The following NPR1 variants were observed in gnomAD, a reference collection of about 807,000 sequenced individuals.
The protein encoded by NPR1 is natriuretic peptide receptor 1.
In NPR1, 57 loss-of-function variants were observed where a neutral mutation model predicts 116.9. That is an observed-to-expected ratio of 0.49 (90% CI 0.39 to 0.61). The LOEUF (loss-of-function observed/expected upper bound fraction) is 0.61. Among genes scored for constraint, NPR1 ranks in the 20% least tolerant of loss-of-function variants. The pLI, the probability that NPR1 is intolerant of heterozygous loss-of-function variation, is 0.00. For missense variants in NPR1, 1,096 were observed against 1,409.8 expected (o/e 0.78, Z 3.56); for synonymous variants, 555 against 601.6 (o/e 0.92, Z 1.13).
At chr1:153,690,121 TC>T (rs1670060244) in intron 19 of NPR1, 141 bp downstream of exon 19, 2 of 555,808 alleles carry the variant, frequency 3.6e-6, no homozygotes, top group Non-Finnish European at 6.0e-6. Flanking sequence ...TCTCTCTCTC[TC>T]TCTCTCTCTC....
rs758807456 is a variant in NPR1, at chr1:153,689,827, T to C, written c.2779T>C (p.Tyr927His). 6.3e-7 allele frequency: 1 copy of C among 1,581,282 alleles called. No homozygotes were observed. The highest frequency in any genetic ancestry group is 1.1e-5 in the South Asian group (1 of 87,468). Residue 927 changes from tyrosine to histidine, a missense_variant, in exon 19 of 22, where the codon TAC becomes CAC. Transcript: ENST00000368680. This position sits in a 1 kb window ranked among gnomAD's most constrained non-coding sequence, Gnocchi z 5.1. ...VYKVETIGDAYMVVSGLPVRN... is the reference protein window; with the variant it reads ...VYKVETIGDAHMVVSGLPVRN... ...ACAGGTGGAGACAATTGGCGATGCCTACATGGTGGTGTCAGGGCTCCCTGT... is the reference window on the plus strand; with the variant it reads ...ACAGGTGGAGACAATTGGCGATGCCCACATGGTGGTGTCAGGGCTCCCTGT...
In NPR1 at chr1:153,686,121, A is replaced by G. The variant is rs1669921070; in HGVS notation, c.1681-2A>G. On this transcript the variant is annotated splice_acceptor_variant, in intron 9 of 21. Transcript: ENST00000368680. LOFTEE classifies it high-confidence loss of function. ...CAGTGACAGTCTCCATTCCATGCCCAGGGCAACCTCGTGGCTGTGAAACGT... is the reference window on the plus strand; with the variant it reads ...CAGTGACAGTCTCCATTCCATGCCCGGGGCAACCTCGTGGCTGTGAAACGT... 2 of 1,613,822 alleles carry G rather than the reference A, an allele frequency of 1.2e-6. No homozygotes were observed. The highest frequency in any genetic ancestry group is 2.7e-5 in the African/African-American group (2 of 74,920).
chr1:153,681,260 T>C lies in NPR1; in HGVS notation c.1002T>C (p.Tyr334=). 1 of 1,612,978 alleles carries C rather than the reference T, an allele frequency of 6.2e-7. No individual in the cohort carries two copies. The highest frequency in any genetic ancestry group is 8.5e-7 in the Non-Finnish European group (1 of 1,179,120). ...TGAAGCAGTTAAAACACCTGGCCTA[T>C]GAGCAGTTCAACTTCACCATGGAGG... ...EFLKQLKHLA[Y]EQFNFTMEDG... The change falls in exon 3 of 22, where the codon TAT becomes TAC. Residue 334 remains tyrosine, a synonymous_variant. Transcript: ENST00000368680.
At chr1:153,684,855 C>T in intron 7 of NPR1, 109 bp from the exon 8 acceptor site, 1 of 1,398,632 alleles carries the variant, frequency 7.1e-7, no homozygotes, top group South Asian at 1.3e-5. Flanking sequence ...ATTCCCCCTC[C>T]ATCTCTGAGT....
chr1:153,681,155 T>C, intron 2 of NPR1, 25 bp from the exon 3 acceptor site: 1 of 1,415,108 alleles, frequency 7.1e-7, no homozygotes, highest in Non-Finnish European at 1.0e-6. Context: ...CCCAACTCTC[T>C]GCTCTCCACT....
intron 15 of NPR1, 36 bp downstream of exon 15, chr1:153,688,257 C>T (rs2101737271): frequency 5.6e-6 from 9 of 1,595,462 alleles, no homozygotes; most frequent in Non-Finnish European, 7.7e-6. Context: ...CCAGGCCCTT[C>T]CTCCACAGCC....
intron 19 of NPR1, 27 bp downstream of exon 19, chr1:153,690,007 C>CA: frequency 6.8e-7 from 1 of 1,474,484 alleles, no homozygotes; most frequent in Non-Finnish European, 9.0e-7. Flanking sequence ...TGCAGGCGGG[C>CA]ATCCAGAGGC....
At position 153,682,428 on chromosome 1, in the gene NPR1, G is replaced by A. The variant is rs74408467; in HGVS notation, c.1172-70G>A. Reference sequence around the variant, plus strand: ...GGCAAGGCAAAAAAGATTAGAGGATGAAGAGATGAAGTGGGGCACCCCTGA... The same window carrying A: ...GGCAAGGCAAAAAAGATTAGAGGATAAAGAGATGAAGTGGGGCACCCCTGA... On this transcript the variant is annotated intron_variant, in intron 4 of 21. Transcript: ENST00000368680. 1.1e-3 allele frequency: 1,147 copies of A among 1,092,282 alleles called. 11 individuals are homozygous for A. In the African/African-American group the frequency reaches 0.016, roughly 15 times the overall value. The allele number at this position is 1,092,282 out of a possible 1,614,324, so 67.7% of individuals were successfully genotyped here. A position where few individuals can be genotyped will look rare whatever the true frequency, so the allele number is the denominator to read the frequency against.
intron 8 of NPR1, 29 bp downstream of exon 8, chr1:153,685,113 G>A (rs777460523): frequency 1.9e-6 from 3 of 1,611,338 alleles, no homozygotes; most frequent in Admixed American, 3.3e-5. Context: ...GTGTTGGGGG[G>A]CAATAAAGGA....
chr1:153,688,183 A>T lies in NPR1; in HGVS notation c.2379A>T (p.Pro793=). 1 of 1,613,768 alleles carries T rather than the reference A, an allele frequency of 6.2e-7. No homozygotes were observed. Residue 793 remains proline, a synonymous_variant, in exon 15 of 22, where the codon CCA becomes CCT. Transcript: ENST00000368680. ...CWAEDPQERP[P]FQQIRLTLRK... ...CTGAGGACCCACAGGAGAGGCCACCATTCCAGCAGATCCGCCTGACGTTGC... is the reference window on the plus strand; with the variant it reads ...CTGAGGACCCACAGGAGAGGCCACCTTTCCAGCAGATCCGCCTGACGTTGC...
chr1:153,686,968 C>A, intron 11 of NPR1, 48 bp from the exon 12 acceptor site: 1 of 1,597,750 alleles, frequency 6.3e-7, no homozygotes, highest in Non-Finnish European at 8.6e-7. Context: ...TCCTCCAACT[C>A]CCAGGGGGAT....
At position 153,685,816 on chromosome 1, in the gene NPR1, A is replaced by G. The variant is rs1175836256; in HGVS notation, c.1616A>G (p.Asn539Ser). Residue 539 changes from asparagine to serine, a missense_variant, in exon 9 of 22, where the codon AAT becomes AGT. Asn to Ser is a conservative substitution (Grantham distance 46). Transcript: ENST00000368680. ...TCTCCCTCCTTTCAGAGAGGCTCCAATTACGGCTCCCTGCTAACCACAGAG... is the reference window on the plus strand; with the variant it reads ...TCTCCCTCCTTTCAGAGAGGCTCCAGTTACGGCTCCCTGCTAACCACAGAG... ...SRLTLSGRGS[N>S]YGSLLTTEGQ... 9.3e-6 allele frequency: 15 copies of G among 1,614,144 alleles called. No homozygotes were observed. Among genetic ancestry groups the G allele is most frequent in the African/African-American group, 1.3e-5 (1 of 75,050 alleles).
chr1:153,686,898 T>C, intron 11 of NPR1, 118 bp from the exon 12 acceptor site: 3 of 1,284,396 alleles, frequency 2.3e-6, no homozygotes, highest in Non-Finnish European at 3.4e-6. Flanking sequence ...GCAGTGGCAC[T>C]AGAGTCAATC....
intron 13 of NPR1, 21 bp downstream of exon 13, chr1:153,687,377 C>T: frequency 1.9e-6 from 3 of 1,612,152 alleles, no homozygotes; most frequent in Non-Finnish European, 2.5e-6. Context: ...ACTCTTGAAC[C>T]TAACACCTGC....
At chr1:153,690,225 T>TAACACCCCTCCCTCCCTC in intron 19 of NPR1, 59 bp from the exon 20 acceptor site, 1 of 1,343,590 alleles carries the variant, frequency 7.4e-7, no homozygotes, top group African/African-American at 1.5e-5. Flanking sequence ...CTACCTCCCT[T>TAACACCCCTCCCTCCCTC]AACACCCCTC....
At chr1:153,684,095 G>A (rs758556850) in intron 7 of NPR1, among the ~76,000 whole-genome samples, 8 of 152,178 alleles carry the variant, frequency 5.3e-5, no homozygotes, top group South Asian at 2.1e-4. Context: ...TCATAGGGGC[G>A]TGGACTGGTT....
At chr1:153,688,332 C>G (rs370936253) in intron 15 of NPR1, 111 bp downstream of exon 15, 31 of 1,094,374 alleles carry the variant, frequency 2.8e-5, no homozygotes, top group Non-Finnish European at 3.2e-5. Flanking sequence ...CCACTCACCT[C>G]CTCCCTGTAC....
rs1670171342 is a variant in NPR1 at position 153,693,822 on chromosome 1, G to C, written c.*408G>C. The C allele has an allele frequency of 2.5e-6, 1 of 402,672 alleles. No individual in the cohort carries two copies. Among genetic ancestry groups the C allele is most frequent in the Non-Finnish European group, 4.4e-6 (1 of 228,974 alleles). The allele number at this position is 402,672 out of a possible 1,614,324, so 24.9% of individuals were successfully genotyped here. A position where few individuals can be genotyped will look rare whatever the true frequency, so the allele number is the denominator to read the frequency against. ...ATGAAAAGAGACTAGGTGAAGAGAG[G>C]GCAGGGGAGCCCACATCTGGGGCTG... On this transcript the variant is annotated 3_prime_UTR_variant, in exon 22 of 22. Coordinates refer to ENST00000368680, the MANE Select transcript of NPR1 (RefSeq NM_000906.4).
At chr1:153,686,447 C>T (rs1179679616) in intron 10 of NPR1, among the ~76,000 whole-genome samples, 199 bp from the exon 11 acceptor site, 1 of 149,628 alleles carries the variant, frequency 6.7e-6, no homozygotes. Context: ...GGAGAGAGGG[C>T]TTAGGATGCA....
Sources: allele counts gnomAD v4.1 joint callset (sites outside exome capture counted in the v4.1 genomes callset), GRCh38; gene constraint gnomAD v4.1.1; non-coding constraint Gnocchi (gnomAD v3.1); transcripts MANE v1.5; gene names NCBI Gene and HGNC (gene_info 2026-07-23, HGNC 2026-07-21).